Variants in SPAG16 observed in about 807,000 individuals in gnomAD.
The protein encoded by SPAG16 is sperm associated antigen 16, also known as sperm-associated antigen 16 protein.
SPAG16 carries 86 observed loss-of-function variants against 80.4 expected under a neutral mutation model. That is an observed-to-expected ratio of 1.07 (90% CI 0.90 to 1.28). The LOEUF is 1.28. Ranked by LOEUF, SPAG16 falls within the 50% of genes most tolerant of loss-of-function variation. The pLI is 0.00. For synonymous variants in SPAG16, 294 were observed against 265.9 expected (o/e 1.11, Z -1.03); for missense variants, 870 against 765.3 (o/e 1.14, Z -1.61).
chr2:213,817,028 G>A (rs1266834637), intron 10 of SPAG16, among the ~76,000 whole-genome samples: 1 of 151,602 alleles, frequency 6.6e-6, no homozygotes, highest in Non-Finnish European at 1.5e-5. Flanking sequence ...TTCTTATAGA[G>A]CCTGATATTT....
chr2:214,017,572 C>G (rs2047654863), intron 13 of SPAG16, among the ~76,000 whole-genome samples: 1 of 152,064 alleles, frequency 6.6e-6, no homozygotes. Context: ...AAAGTTTCCT[C>G]TCATATATAT....
chr2:213,732,227 A>G (rs7563169), intron 10 of SPAG16, among the ~76,000 whole-genome samples: 140,521 of 151,974 alleles, frequency 0.92, 66,010 homozygotes, highest in East Asian at 1. Flanking sequence ...ATGGTTGTAG[A>G]TGAGTGGTCT....
At chr2:214,329,864 C>T (rs541543049) in intron 15 of SPAG16, among the ~76,000 whole-genome samples, 142 of 151,966 alleles carry the variant, frequency 9.3e-4, no homozygotes, top group Non-Finnish European at 1.8e-3. Flanking sequence ...TCAACTTTGC[C>T]CCTATATCAT....
At chr2:214,040,399 A>G (rs1211187221) in intron 13 of SPAG16, among the ~76,000 whole-genome samples, 2 of 152,112 alleles carry the variant, frequency 1.3e-5, no homozygotes, top group African/African-American at 4.8e-5. Flanking sequence ...TATTAAGCCT[A>G]GTATTCATTA....
At chr2:213,321,754 G>A (rs2063617717) in intron 5 of SPAG16, among the ~76,000 whole-genome samples, 1 of 151,926 alleles carries the variant, frequency 6.6e-6, no homozygotes, top group African/African-American at 2.4e-5. Flanking sequence ...TATAAAGTTG[G>A]GAAAATAACT....
chr2:213,648,226 A>G (rs189237498), intron 10 of SPAG16, among the ~76,000 whole-genome samples: 4 of 152,362 alleles, frequency 2.6e-5, no homozygotes, highest in African/African-American at 9.6e-5. Context: ...TACAGATGGC[A>G]GAGCAGGTTT....
At position 213,976,236 on chromosome 2, in the gene SPAG16, G is replaced by A. The variant is rs972880295; in HGVS notation, c.1401-37715G>A. Among the ~76,000 whole-genome samples, 11 of 149,574 alleles carry A rather than the reference G, an allele frequency of 7.4e-5. 1 individual carries two copies. Among genetic ancestry groups the A allele is most frequent in the South Asian group, 6.3e-4 (3 of 4,746 alleles). On this transcript the variant is annotated intron_variant, in intron 12 of 15. Coordinates refer to ENST00000331683, the MANE Select transcript of SPAG16 (RefSeq NM_024532.5). ...TATGTACGCATATACATATATACAC[G>A]TGTGTATACATACGTGTATATACAC...
chr2:213,755,069 ACT>A (rs1262869103), intron 10 of SPAG16, among the ~76,000 whole-genome samples: 2 of 152,108 alleles, frequency 1.3e-5, no homozygotes, highest in African/African-American at 4.8e-5. Flanking sequence ...ATAACAACAA[ACT>A]CTTTGTGTCA....
intron 9 of SPAG16, among the ~76,000 whole-genome samples, chr2:213,423,466 G>A (rs2069722430): frequency 6.6e-6 from 1 of 152,148 alleles, no homozygotes; most frequent in Non-Finnish European, 1.5e-5. Flanking sequence ...TCAGATGCTA[G>A]GTTGGTCACA....
chr2:213,914,940 G>A (rs1369847729), intron 11 of SPAG16, among the ~76,000 whole-genome samples: 1 of 151,634 alleles, frequency 6.6e-6, no homozygotes, highest in Non-Finnish European at 1.5e-5. Flanking sequence ...TAGTGTATTA[G>A]CCTATTCTCA....
chr2:213,678,916 T>C (rs1203180109), intron 10 of SPAG16, among the ~76,000 whole-genome samples: 3 of 152,162 alleles, frequency 2.0e-5, no homozygotes, highest in Non-Finnish European at 2.9e-5. Flanking sequence ...GTGGTTCCTT[T>C]ACCTATAACT....
At chr2:213,566,249 A>C (rs561143786) in intron 10 of SPAG16, among the ~76,000 whole-genome samples, 1 of 152,332 alleles carries the variant, frequency 6.6e-6, no homozygotes, top group East Asian at 1.9e-4. Flanking sequence ...AAACGATGCT[A>C]GCAGGAGTAA....
intron 14 of SPAG16, among the ~76,000 whole-genome samples, chr2:214,136,584 G>A (rs1165564319): frequency 6.6e-6 from 1 of 152,158 alleles, no homozygotes; most frequent in Non-Finnish European, 1.5e-5. Context: ...ACAGACTGAT[G>A]ATGGCATAGG....
intron 10 of SPAG16, among the ~76,000 whole-genome samples, chr2:213,775,154 C>A (rs1158298443): frequency 6.6e-6 from 1 of 152,190 alleles, no homozygotes; most frequent in East Asian, 1.9e-4. Flanking sequence ...TCCTGAGTCT[C>A]TTCTAGATTG....
At chr2:214,195,891 A>G (rs1436570800) in intron 15 of SPAG16, among the ~76,000 whole-genome samples, 1 of 152,044 alleles carries the variant, frequency 6.6e-6, no homozygotes, top group East Asian at 1.9e-4. Flanking sequence ...AGTCAAATAA[A>G]CAACTGCTAT....
intron 15 of SPAG16, among the ~76,000 whole-genome samples, chr2:214,167,183 C>T (rs937443557): frequency 8.5e-5 from 13 of 152,110 alleles, no homozygotes; most frequent in Non-Finnish European, 1.5e-4. Context: ...ATTCTAACTC[C>T]GGCTCTGTCC....
chr2:213,550,956 A>T (rs1448952199), intron 10 of SPAG16, among the ~76,000 whole-genome samples: 1 of 152,070 alleles, frequency 6.6e-6, no homozygotes, highest in African/African-American at 2.4e-5. Context: ...AGCATTTTAA[A>T]TATATCTAAT....
At chr2:213,340,611 G>A (rs112862682) in intron 6 of SPAG16, among the ~76,000 whole-genome samples, 3,639 of 152,164 alleles carry the variant, frequency 0.024, 63 homozygotes, top group African/African-American at 0.04. Context: ...AGTGGGGTCC[G>A]CACAGTGCTC....
intron 10 of SPAG16, among the ~76,000 whole-genome samples, chr2:213,580,109 G>A (rs1246725074): frequency 1.3e-5 from 2 of 151,900 alleles, no homozygotes; most frequent in East Asian, 3.9e-4. Flanking sequence ...CCTGAAGTAG[G>A]TCCTAAGACC....
Sources: allele counts gnomAD v4.1 joint callset (sites outside exome capture counted in the v4.1 genomes callset), GRCh38; gene constraint gnomAD v4.1.1; transcripts MANE v1.5; gene names NCBI Gene and HGNC (gene_info 2026-07-23, HGNC 2026-07-21).